The following UBR7 variants were observed in gnomAD, a reference collection of about 807,000 sequenced individuals.
The protein encoded by UBR7 is putative E3 ubiquitin-protein ligase UBR7.
Under a neutral mutation model 57.0 loss-of-function variants are expected in UBR7, and 22 were observed. That is an observed-to-expected ratio of 0.39 (90% confidence interval 0.28 to 0.55). UBR7 has a LOEUF of 0.55. Ranked by LOEUF, UBR7 falls within the 20% of genes least tolerant of loss-of-function variation. The probability of loss-of-function intolerance (pLI) is 0.69; values close to 1 mark genes in which losing one functional copy is unlikely to be tolerated. For missense variants in UBR7, 395 were observed against 513.2 expected (o/e 0.77, Z 2.23); for synonymous variants, 167 against 179.8 (o/e 0.93, Z 0.57).
At chr14:93,223,759 T>C (rs1411392423) in intron 10 of UBR7, 1 of 755,220 alleles carries the variant, frequency 1.3e-6, no homozygotes, top group East Asian at 2.5e-5. Context: ...CTTCAGGATC[T>C]CGATGGAATG....
chr14:93,216,624 T>G (rs1044739943), intron 6 of UBR7, among the ~76,000 whole-genome samples: 7 of 151,888 alleles, frequency 4.6e-5, no homozygotes, highest in Non-Finnish European at 5.9e-5. Context: ...TCTGCCTTTT[T>G]TTTTTTTTTG....
At chr14:93,226,093 A>G (rs561505890) in intron 10 of UBR7, among the ~76,000 whole-genome samples, 40 of 152,212 alleles carry the variant, frequency 2.6e-4, no homozygotes, top group Non-Finnish European at 5.0e-4. Context: ...GTTGGTGCTT[A>G]TGAAACTGGT....
chr14:93,219,407 G>A (rs768931528), intron 8 of UBR7, 46 bp downstream of exon 8: 3 of 1,612,082 alleles, frequency 1.9e-6, no homozygotes, highest in Non-Finnish European at 2.5e-6. Context: ...TTGTGTACTG[G>A]TGCCCCAAAA....
Position 93,207,459 on chromosome 14 carries a change from G to A in UBR7, c.150+18G>A, listed in dbSNP as rs746586752. 21 of 1,538,724 alleles carry A rather than the reference G, an allele frequency of 1.4e-5. No individual in the cohort carries two copies. Among genetic ancestry groups the A allele is most frequent in the Non-Finnish European group, 1.5e-5 (17 of 1,144,842 alleles). ...ACTCTCAGGTGGGCGCGCGGCCCGG[G>A]CCTCCTCTCCCCCGGCTCCCGCCGA... On this transcript the variant is annotated intron_variant, in intron 1 of 10. Transcript: ENST00000013070.
intron 10 of UBR7, chr14:93,223,588 G>A: frequency 1.0e-6 from 1 of 958,872 alleles, no homozygotes; most frequent in South Asian, 1.4e-5. Flanking sequence ...CCCGGGCGAG[G>A]GCCCTGCCCC....
chr14:93,212,150 C>T (rs1156558818), intron 4 of UBR7, 23 bp downstream of exon 4: 2 of 1,571,654 alleles, frequency 1.3e-6, no homozygotes, highest in East Asian at 2.3e-5. Flanking sequence ...GAAGTTAAAC[C>T]TGGGGGTGTG....
intron 8 of UBR7, 81 bp downstream of exon 8, chr14:93,219,442 A>T: frequency 2.6e-6 from 4 of 1,559,346 alleles, no homozygotes; most frequent in Non-Finnish European, 3.5e-6. Flanking sequence ...GAAAACATTC[A>T]ATTTTTGTAC....
chr14:93,210,780 A>G (rs977552746), intron 3 of UBR7, 72 bp downstream of exon 3: 6 of 1,282,930 alleles, frequency 4.7e-6, no homozygotes, highest in Non-Finnish European at 6.7e-6. Flanking sequence ...GGGTAAAAAA[A>G]CAAATACCTG....
At chr14:93,213,114 G>A (rs1461111621) in intron 4 of UBR7, among the ~76,000 whole-genome samples, 1 of 151,684 alleles carries the variant, frequency 6.6e-6, no homozygotes, top group Non-Finnish European at 1.5e-5. Context: ...CTCCAGCCTG[G>A]GTGACAGAGC....
chr14:93,208,065 G>A (rs1393567106), intron 1 of UBR7, among the ~76,000 whole-genome samples: 1 of 152,178 alleles, frequency 6.6e-6, no homozygotes, highest in Non-Finnish European at 1.5e-5. Context: ...CTCTGGCAAG[G>A]GAGGGGAGAG....
At chr14:93,215,423 C>T (rs545080896) in intron 6 of UBR7, 142 bp downstream of exon 6, 518 of 800,230 alleles carry the variant, frequency 6.5e-4, no homozygotes, top group Non-Finnish European at 8.0e-4. Context: ...TGGTGGCTCA[C>T]GCCTGTAATC....
chr14:93,210,284 C>T (rs1222703204), intron 2 of UBR7, among the ~76,000 whole-genome samples: 5 of 151,974 alleles, frequency 3.3e-5, no homozygotes, highest in African/African-American at 9.7e-5. Context: ...GGTGTTTCAC[C>T]GAGTTAGCCA....
Position 93,227,694 on chromosome 14 carries a change from C to G in UBR7, c.*659C>G. 1 of 700,826 alleles carries G rather than the reference C, an allele frequency of 1.4e-6. No homozygotes were observed. Among genetic ancestry groups the G allele is most frequent in the Non-Finnish European group, 2.6e-6 (1 of 384,830 alleles). The allele number at this position is 700,826 out of a possible 1,614,324, so 43.4% of individuals were successfully genotyped here. ...AGATGACAGGGTTGAGGAAGCAAGC[C>G]TTTGTTATGAATTTTACTAATACAG... is the stretch of plus-strand genomic sequence containing the variant. On this transcript the variant is annotated 3_prime_UTR_variant, in exon 11 of 11. Transcript: ENST00000013070.
At chr14:93,207,778 G>A (rs1894396935) in intron 1 of UBR7, among the ~76,000 whole-genome samples, 1 of 152,116 alleles carries the variant, frequency 6.6e-6, no homozygotes. Context: ...CGACCTCTCA[G>A]ATCCAGACAT....
Position 93,227,530 on chromosome 14 carries a change from CT to C in UBR7, c.*498del. 2.9e-6 allele frequency: 2 copies of C among 698,792 alleles called. No individual in the cohort carries two copies. Among genetic ancestry groups the C allele is most frequent in the Non-Finnish European group, 2.6e-6 (1 of 384,088 alleles). The allele number at this position is 698,792 out of a possible 1,614,324, so 43.3% of individuals were successfully genotyped here. The stretch of plus-strand genomic sequence containing the variant: ...CTTCCTCAAGCCTGGTCTGCTCCTT[CT>C]TTCACGTCCCTGTTTTCTGAGGTTT... On this transcript the variant is annotated 3_prime_UTR_variant, in exon 11 of 11. Transcript: ENST00000013070.
Position 93,209,968 on chromosome 14 carries a change from T to A in UBR7, c.284+11T>A, listed in dbSNP as rs779550201. The A allele has an allele frequency of 6.2e-7, 1 of 1,613,656 alleles. No individual in the cohort carries two copies. The highest frequency in any genetic ancestry group is 8.5e-7 in the Non-Finnish European group (1 of 1,179,772). On this transcript the variant is annotated intron_variant, in intron 2 of 10. Coordinates refer to ENST00000013070, the MANE Select transcript of UBR7 (RefSeq NM_175748.4). ...GCTATACACAAAAAGGTAAACATAGTCAAGAGATTGTTACTAAATGCTTTT... is the reference window on the plus strand; with the variant it reads ...GCTATACACAAAAAGGTAAACATAGACAAGAGATTGTTACTAAATGCTTTT...
intron 10 of UBR7, among the ~76,000 whole-genome samples, chr14:93,222,777 C>T (rs1481410325): frequency 1.3e-5 from 2 of 151,850 alleles, no homozygotes; most frequent in Non-Finnish European, 2.9e-5. Context: ...TAAGTGGGTA[C>T]TTGAGAGTTG....
At chr14:93,210,729 T>G (rs1566820216) in intron 3 of UBR7, 21 bp downstream of exon 3, 2 of 1,587,826 alleles carry the variant, frequency 1.3e-6, no homozygotes, top group Admixed American at 1.7e-5. Flanking sequence ...ACTGTAACTA[T>G]AAATGCATTT....
intron 10 of UBR7, among the ~76,000 whole-genome samples, chr14:93,225,463 C>CAAAA (rs59667536): frequency 1.8e-5 from 2 of 110,176 alleles, no homozygotes; most frequent in Non-Finnish European, 1.9e-5. Context: ...CCCGCCTCTA[C>CAAAA]AAAAAAAAAA....
Sources: gnomAD v4.1 joint callset for allele counts (sites outside exome capture counted in the v4.1 genomes callset) on GRCh38, gnomAD v4.1.1 for gene constraint, MANE v1.5 for transcripts, NCBI Gene and HGNC (gene_info 2026-07-23, HGNC 2026-07-21) for gene names.